Variants in LARGE1 observed in about 807,000 individuals in gnomAD.
LARGE1 encodes the protein LARGE xylosyl- and glucuronyltransferase 1.
Under a neutral mutation model 87.6 loss-of-function variants are expected in LARGE1, and 43 were observed. That is an observed-to-expected ratio of 0.49 (90% CI 0.38 to 0.63). The LOEUF (loss-of-function observed/expected upper bound fraction) is 0.63. LARGE1 is among the 30% of genes least tolerant of loss of function. The pLI is 0.00. For missense variants in LARGE1, 802 were observed against 1,000.2 expected, an observed-to-expected ratio of 0.80 and a Z score of 2.67; for synonymous variants, 434 against 394.6, an observed-to-expected ratio of 1.10 and a Z score of -1.18.
At chr22:33,362,376 T>G (rs1420567770) in intron 9 of LARGE1, among the ~76,000 whole-genome samples, 1 of 149,802 alleles carries the variant, frequency 6.7e-6, no homozygotes, top group Non-Finnish European at 1.5e-5. Flanking sequence ...AGTCCTTCAG[T>G]TGGTAAGAAG....
intron 6 of LARGE1, among the ~76,000 whole-genome samples, chr22:33,515,233 GA>G (rs1242394413): frequency 6.6e-6 from 1 of 152,112 alleles, no homozygotes; most frequent in Non-Finnish European, 1.5e-5. Flanking sequence ...CTGAGGCCCA[GA>G]AACCTAGATT....
intron 2 of LARGE1, among the ~76,000 whole-genome samples, chr22:33,749,046 G>C (rs1202380792): frequency 6.6e-6 from 1 of 152,212 alleles, no homozygotes; most frequent in African/African-American, 2.4e-5. Context: ...ACAAAGATTT[G>C]TTAAATGACC....
downstream of LARGE1, among the ~76,000 whole-genome samples, chr22:33,157,627 C>T (rs1161672527): frequency 6.6e-6 from 1 of 152,176 alleles, no homozygotes; most frequent in African/African-American, 2.4e-5. Flanking sequence ...ATACCACTAT[C>T]AACAATGTTG....
chr22:33,507,453 AC>A (rs1363293316), intron 6 of LARGE1, among the ~76,000 whole-genome samples: 5 of 152,246 alleles, frequency 3.3e-5, no homozygotes, highest in Admixed American at 2.6e-4. Flanking sequence ...CTAAAAAAAA[AC>A]CCGCAAACAT....
At position 33,586,700 on chromosome 22, in the gene LARGE1, G is replaced by A. The variant is rs774240701; in HGVS notation, c.615+17735C>T. 2.0e-5 allele frequency among the ~76,000 whole-genome samples: 3 copies of A among 151,896 alleles called. No homozygotes were observed. In the East Asian group the frequency reaches 5.8e-4, roughly 29 times the overall value. On this transcript the variant is annotated intron_variant, in intron 5 of 14. Coordinates refer to ENST00000397394, the MANE Select transcript of LARGE1 (RefSeq NM_133642.5). ...TCTCGATCTCCTGACCTCATGATCC[G>A]TCCGCCTCAGCCTCCCGAAGTGCTG...
intron 1 of LARGE1, among the ~76,000 whole-genome samples, chr22:33,784,458 T>C (rs1410930683): frequency 6.6e-6 from 1 of 152,148 alleles, no homozygotes; most frequent in Non-Finnish European, 1.5e-5. Context: ...GTGTATAGCG[T>C]GGGAGCTCCT....
chr22:33,762,369 C>T (rs1220343181), intron 1 of LARGE1, among the ~76,000 whole-genome samples: 1 of 152,012 alleles, frequency 6.6e-6, no homozygotes, highest in Non-Finnish European at 1.5e-5. Flanking sequence ...TGCTGACTGC[C>T]CTGTGCGTGG....
In LARGE1 at chr22:33,193,182, A is replaced by G. The variant is rs141736038; in HGVS notation, c.1731-26350T>C. On this transcript the variant is annotated intron_variant, in intron 11 of 11. Coordinates refer to the LARGE1 transcript ENST00000608642. ...TGAGAGAGAAGAGTGTGGGTAGACA[A>G]AGGAATGAAAAAAGTATAGTTTAGT... 1.4e-4 allele frequency among the ~76,000 whole-genome samples: 21 copies of G among 152,196 alleles called. No homozygotes were observed. The East Asian group carries it at 4.1e-3, about 29-fold the overall frequency.
chr22:33,856,041 A>G (rs910843505), intron 1 of LARGE1, among the ~76,000 whole-genome samples: 1 of 152,244 alleles, frequency 6.6e-6, no homozygotes, highest in Non-Finnish European at 1.5e-5. Context: ...CCGGGCACCC[A>G]GCCCTACGCT....
At chr22:33,224,287 A>G (rs375333835) in intron 11 of LARGE1, among the ~76,000 whole-genome samples, 1 of 149,560 alleles carries the variant, frequency 6.7e-6, no homozygotes, top group African/African-American at 2.5e-5. Context: ...AAAAGAAAAA[A>G]GAAAAAAAAA....
chr22:33,121,003 A>T, the LARGE1 span, among the ~76,000 whole-genome samples: 2 of 152,092 alleles, frequency 1.3e-5, no homozygotes, highest in African/African-American at 4.8e-5. Context: ...GCAACAGAGT[A>T]GCAGGTTTAA....
chr22:33,857,907 C>G (rs1484433117), intron 1 of LARGE1, among the ~76,000 whole-genome samples: 1 of 152,164 alleles, frequency 6.6e-6, no homozygotes, highest in Non-Finnish European at 1.5e-5. Flanking sequence ...TTCCTTGCTC[C>G]CAAGTTGGAA....
chr22:33,367,634 T>C (rs1387468371), intron 9 of LARGE1, among the ~76,000 whole-genome samples: 1 of 152,120 alleles, frequency 6.6e-6, no homozygotes, highest in Non-Finnish European at 1.5e-5. Flanking sequence ...GCTTTGTTGC[T>C]GAGGCTGGTC....
intron 3 of LARGE1, among the ~76,000 whole-genome samples, chr22:33,643,060 A>G (rs1404128165): frequency 6.6e-6 from 1 of 152,190 alleles, no homozygotes; most frequent in Non-Finnish European, 1.5e-5. Flanking sequence ...ATAAATATCT[A>G]CGGAACTCCC....
intron 6 of LARGE1, among the ~76,000 whole-genome samples, chr22:33,531,152 T>C (rs2148572548): frequency 6.6e-6 from 1 of 152,252 alleles, no homozygotes; most frequent in Admixed American, 6.5e-5. Context: ...ATGTGCAGCA[T>C]TCTTGTTTTG....
intron 6 of LARGE1, among the ~76,000 whole-genome samples, chr22:33,516,676 G>A (rs953619335): frequency 4.0e-5 from 6 of 148,988 alleles, no homozygotes; most frequent in Admixed American, 6.7e-5. Context: ...GCAAACTTCC[G>A]CCTTCCGGGT....
At chr22:33,157,537 T>C (rs1014170466), downstream of LARGE1, among the ~76,000 whole-genome samples, 1 of 152,204 alleles carries the variant, frequency 6.6e-6, no homozygotes, top group South Asian at 2.1e-4. Context: ...CTCAGTAACA[T>C]GCTTGTACCA....
chr22:33,100,736 T>C, the LARGE1 span, among the ~76,000 whole-genome samples: 15 of 152,362 alleles, frequency 9.8e-5, no homozygotes, highest in African/African-American at 3.6e-4. Flanking sequence ...CCGATGCTGC[T>C]GGTTCACTAC....
At chr22:33,574,949 T>C (rs2078309535) in intron 5 of LARGE1, among the ~76,000 whole-genome samples, 1 of 152,108 alleles carries the variant, frequency 6.6e-6, no homozygotes, top group Admixed American at 6.6e-5. Flanking sequence ...TTTTGGAATA[T>C]ACTCTAATGA....
Sources: allele counts gnomAD v4.1 joint callset (sites outside exome capture counted in the v4.1 genomes callset), GRCh38; gene constraint gnomAD v4.1.1; transcripts MANE v1.5; gene names NCBI Gene and HGNC (gene_info 2026-07-23, HGNC 2026-07-21).